Variants in ARSG observed in about 807,000 individuals in gnomAD.
ARSG encodes the protein arylsulfatase G, also known as ASG.
ARSG carries 37 observed loss-of-function variants against 50.5 expected under a neutral mutation model. The observed-to-expected ratio is 0.73, with a 90% CI of 0.56 to 0.96. The LOEUF is 0.96. ARSG is among the 50% of genes least tolerant of loss of function. ARSG has a pLI of 0.00. For synonymous variants in ARSG, 225 were observed against 254.6 expected, an observed-to-expected ratio of 0.88 and a Z score of 1.11; for missense variants, 629 against 675.3, an observed-to-expected ratio of 0.93 and a Z score of 0.76.
chr17:68,343,838 C>A, intron 3 of ARSG, 47 bp downstream of exon 3: 2 of 1,548,926 alleles, frequency 1.3e-6, no homozygotes, highest in Non-Finnish European at 1.8e-6. Context: ...CAGTGGCAGC[C>A]GCCTTGTGTT....
At chr17:68,297,985 T>C (rs1312252659) in intron 1 of ARSG, among the ~76,000 whole-genome samples, 3 of 151,234 alleles carry the variant, frequency 2.0e-5, no homozygotes, top group Admixed American at 6.6e-5. Context: ...TTTTTTTTTT[T>C]TTCCCCTGAT....
chr17:68,271,628 C>T lies in ARSG; in HGVS notation c.-552+12202C>T, dbSNP rs782742904. On this transcript the variant is annotated intron_variant, in intron 1 of 11. Coordinates refer to the ARSG transcript ENST00000448504. This position sits in a 1 kb window ranked among gnomAD's most constrained non-coding sequence, Gnocchi z 5.3. ...ACGAAGAGGAGGCTGTATCTCCAGC[C>T]AATGCGCTCCTTCAGAGCCATGATT... 6.2e-7 allele frequency: 1 copy of T among 1,613,278 alleles called. No individual in the cohort carries two copies. Among genetic ancestry groups the T allele is most frequent in the South Asian group, 1.1e-5 (1 of 91,068 alleles).
intron 1 of ARSG, among the ~76,000 whole-genome samples, chr17:68,280,210 A>T (rs1376331803): frequency 6.6e-6 from 1 of 150,476 alleles, no homozygotes; most frequent in Non-Finnish European, 1.5e-5. Flanking sequence ...AGAATTATTT[A>T]TATATGACCC....
chr17:68,443,304 G>T, the ARSG span, among the ~76,000 whole-genome samples: 3,493 of 152,046 alleles, frequency 0.023, 146 homozygotes, highest in African/African-American at 0.077. Flanking sequence ...GTAGAGACAG[G>T]GTTTCTTCAT....
intron 8 of ARSG, 148 bp from the exon 9 acceptor site, chr17:68,384,916 A>G: frequency 1.6e-6 from 1 of 620,970 alleles, no homozygotes. Context: ...TAGCTAGTTG[A>G]GGGAAATAGC....
intron 6 of ARSG, among the ~76,000 whole-genome samples, chr17:68,357,764 AG>A (rs1201224662): frequency 2.0e-5 from 3 of 152,156 alleles, no homozygotes; most frequent in Non-Finnish European, 2.9e-5. Context: ...CCCCATCTGA[AG>A]GGGGCAGCTA....
chr17:68,287,966 T>C (rs2075879633), upstream of ARSG, among the ~76,000 whole-genome samples: 1 of 149,788 alleles, frequency 6.7e-6, no homozygotes, highest in African/African-American at 2.4e-5. Flanking sequence ...TCTCTCTCTC[T>C]CTCTCCCCCT....
intron 2 of ARSG, among the ~76,000 whole-genome samples, chr17:68,319,988 G>A (rs2077215132): frequency 6.6e-6 from 1 of 152,220 alleles, no homozygotes; most frequent in African/African-American, 2.4e-5. Context: ...GAGGAATCCT[G>A]TTAAAGATAG....
downstream of ARSG, chr17:68,422,781 C>A (rs1402507746): frequency 1.3e-5 from 2 of 149,552 alleles, no homozygotes; most frequent in African/African-American, 4.9e-5. Flanking sequence ...TACCCTTGGG[C>A]CTGATTTCCT....
chr17:68,361,460 T>C (rs1179982000), intron 6 of ARSG, among the ~76,000 whole-genome samples: 1 of 152,070 alleles, frequency 6.6e-6, no homozygotes, highest in Non-Finnish European at 1.5e-5. Flanking sequence ...ATGCCTGTAA[T>C]CCCAACACTT....
At chr17:68,394,574 C>T (rs752759493) in intron 9 of ARSG, among the ~76,000 whole-genome samples, 44 of 152,132 alleles carry the variant, frequency 2.9e-4, no homozygotes, top group Non-Finnish European at 5.6e-4. Context: ...TTCAAGGTTA[C>T]AGTGAGTTAT....
intron 9 of ARSG, among the ~76,000 whole-genome samples, chr17:68,386,755 G>A (rs115375140): frequency 7.6e-4 from 115 of 152,276 alleles, no homozygotes; most frequent in South Asian, 2.7e-3. Flanking sequence ...TAACTCAGCC[G>A]TCTCTCAAGT....
At chr17:68,405,622 G>C (rs2147279064) in intron 11 of ARSG, among the ~76,000 whole-genome samples, 1 of 152,246 alleles carries the variant, frequency 6.6e-6, no homozygotes. Context: ...ATATCTGAAG[G>C]AGGTCATTTT....
chr17:68,442,015 G>A, the ARSG span, among the ~76,000 whole-genome samples: 1 of 152,112 alleles, frequency 6.6e-6, no homozygotes, highest in Admixed American at 6.5e-5. Context: ...AGATAAAATC[G>A]ATTCCCTTTA....
At chr17:68,322,054 G>A (rs200510992) in intron 2 of ARSG, among the ~76,000 whole-genome samples, 4 of 152,326 alleles carry the variant, frequency 2.6e-5, no homozygotes, top group East Asian at 3.9e-4. Context: ...TAAAGGAAAC[G>A]AGATTGTTTC....
At chr17:68,450,285 A>G in the ARSG span, among the ~76,000 whole-genome samples, 1 of 152,218 alleles carries the variant, frequency 6.6e-6, no homozygotes, top group Admixed American at 6.5e-5. Context: ...TTCCTGACCC[A>G]GGGAGCCCCC....
chr17:68,445,135 G>C, the ARSG span, among the ~76,000 whole-genome samples: 5 of 152,008 alleles, frequency 3.3e-5, no homozygotes. Flanking sequence ...GATCAGGCTG[G>C]TCTCGAACTC....
chr17:68,411,793 T>A (rs962014860), intron 11 of ARSG, among the ~76,000 whole-genome samples: 1 of 148,710 alleles, frequency 6.7e-6, no homozygotes, highest in African/African-American at 2.5e-5. Flanking sequence ...ACTTGCTTTA[T>A]GAATCTGGGT....
At chr17:68,428,754 TGTC>T in the ARSG span, 5 of 1,168,720 alleles carry the variant, frequency 4.3e-6, no homozygotes, top group Admixed American at 1.9e-5. Context: ...CACTGAAGCT[TGTC>T]GTTCTTGGCG....
Sources: gnomAD v4.1 joint callset for allele counts (sites outside exome capture counted in the v4.1 genomes callset) on GRCh38, gnomAD v4.1.1 for gene constraint, Gnocchi (gnomAD v3.1) non-coding constraint, MANE v1.5 for transcripts, NCBI Gene and HGNC (gene_info 2026-07-23, HGNC 2026-07-21) for gene names.